The following KIF26B variants were observed in gnomAD, a reference collection of about 807,000 sequenced individuals.
KIF26B encodes kinesin-like protein KIF26B.
In KIF26B, 63 loss-of-function variants were observed where a neutral mutation model predicts 151.2. That is an observed-to-expected ratio of 0.42 (90% CI 0.34 to 0.51). KIF26B has a LOEUF of 0.51. Ranked by LOEUF, KIF26B falls within the 20% of genes least tolerant of loss-of-function variation. The pLI is 0.07. For synonymous variants in KIF26B, 1,357 were observed against 1,262.1 expected, an observed-to-expected ratio of 1.08 and a Z score of -1.59; for missense variants, 2,813 against 2,913.6, an observed-to-expected ratio of 0.97 and a Z score of 0.79.
chr1:245,230,163 A>C (rs548427717), intron 2 of KIF26B, among the ~76,000 whole-genome samples: 1 of 151,922 alleles, frequency 6.6e-6, no homozygotes, highest in East Asian at 1.9e-4. Context: ...GCAAAAAAAA[A>C]AAAACAACAA....
intron 3 of KIF26B, among the ~76,000 whole-genome samples, chr1:245,398,688 G>A (rs1673920508): frequency 6.6e-6 from 1 of 151,612 alleles, no homozygotes. Context: ...AGGCAAAGAG[G>A]ACAAAGAATT....
rs2102975843 is a variant in KIF26B, at chr1:245,296,918, C to G, written c.466-69916C>G. 2.0e-5 allele frequency among the ~76,000 whole-genome samples: 3 copies of G among 152,308 alleles called. 1 individual carries two copies. The highest frequency in any genetic ancestry group is 3.4e-3 in the Middle Eastern group (1 of 294). ...ATGTCCCGACTTTTTAGCTAGCACG[C>G]TTAAGAGCAACACAGGCCTTGTTTT... On this transcript the variant is annotated intron_variant, in intron 2 of 14. Coordinates refer to ENST00000407071, the MANE Select transcript of KIF26B (RefSeq NM_018012.4).
At chr1:245,636,560 G>A (rs1339768899) in intron 9 of KIF26B, among the ~76,000 whole-genome samples, 1 of 143,466 alleles carries the variant, frequency 7.0e-6, no homozygotes, top group Non-Finnish European at 1.6e-5. Flanking sequence ...ATTAACTATA[G>A]TTCTTCTACT....
At chr1:245,235,450 A>G (rs2103557323) in intron 2 of KIF26B, among the ~76,000 whole-genome samples, 1 of 151,984 alleles carries the variant, frequency 6.6e-6, no homozygotes, top group East Asian at 1.9e-4. Flanking sequence ...AAAATTAGCC[A>G]GGCATGGTGG....
intron 9 of KIF26B, among the ~76,000 whole-genome samples, chr1:245,643,909 C>T (rs1387558828): frequency 6.6e-6 from 1 of 152,104 alleles, no homozygotes; most frequent in African/African-American, 2.4e-5. Flanking sequence ...TTCTCTCTGG[C>T]TCTTTTCAAG....
In KIF26B at chr1:245,688,790, A is replaced by G. The variant is rs746061130; in HGVS notation, c.5807A>G (p.Lys1936Arg). Residue 1936 changes from lysine (K) to arginine (R), a missense_variant, in exon 12 of 15, where the codon AAG (lysine) becomes AGG (arginine). Lys to Arg is a conservative substitution (Grantham distance 26). This residue lies in a region of KIF26B where 2,060 missense variants were observed against 2,088.6 expected (regional missense o/e 0.99). Coordinates refer to ENST00000407071, the MANE Select transcript of KIF26B (RefSeq NM_018012.4). Reference protein sequence around the residue: ...GGRCRSLKTPKKRSNPGSQRR... With the variant: ...GGRCRSLKTPRKRSNPGSQRR... ...AGGTGCCGGAGCCTCAAGACCCCGAAGAAACGCTCCAATCCAGGTAGGCGG... is the reference window on the plus strand; with the variant it reads ...AGGTGCCGGAGCCTCAAGACCCCGAGGAAACGCTCCAATCCAGGTAGGCGG... 1.6e-5 allele frequency: 25 copies of G among 1,586,208 alleles called. No homozygotes were observed. The African/African-American group carries it at 3.1e-4, about 20-fold the overall frequency.
Position 245,198,886 on chromosome 1 carries a change from G to A in KIF26B, c.465+42203G>A, listed in dbSNP as rs192644261. ...TGTAACGGGGGTTCTAATGTAGACC[G>A]GGGGGTCAGGAAGGCGTGGTGTGCA... On this transcript the variant is annotated intron_variant, in intron 2 of 14. Coordinates refer to ENST00000407071, the MANE Select transcript of KIF26B (RefSeq NM_018012.4). 8.1e-5 allele frequency among the ~76,000 whole-genome samples: 12 copies of A among 147,890 alleles called. No individual in the cohort carries two copies. The East Asian group carries it at 1.4e-3, about 17-fold the overall frequency.
At chr1:245,414,795 T>G (rs1674377748) in intron 3 of KIF26B, among the ~76,000 whole-genome samples, 1 of 152,242 alleles carries the variant, frequency 6.6e-6, no homozygotes, top group South Asian at 2.1e-4. Flanking sequence ...TGACTACAAG[T>G]TTCTTTATCT....
chr1:245,603,436 C>T (rs935623504), intron 6 of KIF26B, among the ~76,000 whole-genome samples: 12 of 152,220 alleles, frequency 7.9e-5, no homozygotes, highest in African/African-American at 2.9e-4. Context: ...CTGAGCAGCT[C>T]TTCTGGTCCT....
At chr1:245,302,385 C>T (rs1313491783) in intron 2 of KIF26B, among the ~76,000 whole-genome samples, 3 of 152,278 alleles carry the variant, frequency 2.0e-5, no homozygotes, top group Middle Eastern at 3.4e-3. Flanking sequence ...ATTTCTAGAA[C>T]GTGATAGTTG....
chr1:245,437,993 C>T (rs938257108), intron 4 of KIF26B, among the ~76,000 whole-genome samples: 4 of 152,146 alleles, frequency 2.6e-5, no homozygotes, highest in Admixed American at 2.6e-4. Flanking sequence ...TCTCTCTCTC[C>T]TCTCTCGTTT....
intron 2 of KIF26B, among the ~76,000 whole-genome samples, chr1:245,254,659 C>G (rs1352609663): frequency 6.6e-6 from 1 of 152,054 alleles, no homozygotes; most frequent in Non-Finnish European, 1.5e-5. Context: ...ACGTCTTCCC[C>G]TTTTATTGAT....
intron 3 of KIF26B, chr1:245,371,807 A>G (rs1572028995): frequency 6.6e-6 from 1 of 152,226 alleles, no homozygotes; most frequent in Admixed American, 6.5e-5. Flanking sequence ...ATAAATAGGA[A>G]TCGATCCAGA....
intron 10 of KIF26B, among the ~76,000 whole-genome samples, chr1:245,665,825 C>T (rs2044206796): frequency 6.6e-6 from 1 of 152,032 alleles, no homozygotes; most frequent in South Asian, 2.1e-4. Flanking sequence ...GCTGGGACTA[C>T]AGGCACGCAC....
At chr1:245,207,506 G>C (rs1669431366) in intron 2 of KIF26B, among the ~76,000 whole-genome samples, 1 of 152,092 alleles carries the variant, frequency 6.6e-6, no homozygotes. Context: ...GGACTTACAA[G>C]GGACTTACAG....
At chr1:245,538,867 T>C (rs75623718) in intron 4 of KIF26B, among the ~76,000 whole-genome samples, 2,274 of 152,270 alleles carry the variant, frequency 0.015, 66 homozygotes, top group African/African-American at 0.052. Flanking sequence ...GGTGCCATGA[T>C]GCCTTGTGCC....
Position 245,702,571 on chromosome 1 carries a change from A to T in KIF26B, c.6292A>T (p.Ile2098Phe), listed in dbSNP as rs371424720. 2.0e-5 allele frequency: 32 copies of T among 1,613,924 alleles called. No individual in the cohort carries two copies. The highest frequency in any genetic ancestry group is 2.7e-5 in the Non-Finnish European group (32 of 1,179,880). The change falls in exon 15 of 15, where the codon ATC becomes TTC. Residue 2098 changes from isoleucine (I) to phenylalanine (F), a missense_variant. Ile to Phe is a conservative substitution (Grantham distance 21). This residue lies in a region of KIF26B where 2,060 missense variants were observed against 2,088.6 expected (regional missense o/e 0.99). Transcript: ENST00000407071. The surrounding 1 kb of genome is among the most constrained non-coding windows in gnomAD (Gnocchi z 4.1). ...VNFCKAHLMM[I>F]TCFDITSRRR ...CTTCTGCAAGGCCCATCTCATGATG[A>T]TCACCTGCTTCGACATCACCTCCAG...
chr1:245,433,413 G>A (rs1157339668), intron 4 of KIF26B, among the ~76,000 whole-genome samples: 2 of 151,416 alleles, frequency 1.3e-5, no homozygotes, highest in Non-Finnish European at 2.9e-5. Context: ...GTTGCAGTGA[G>A]CCGAGATTGC....
intron 2 of KIF26B, among the ~76,000 whole-genome samples, chr1:245,198,054 C>T (rs564924243): frequency 6.6e-6 from 1 of 152,340 alleles, no homozygotes; most frequent in East Asian, 1.9e-4. Context: ...CCTGCTCCCT[C>T]CCTTCCTCCT....
Sources: allele counts gnomAD v4.1 joint callset (sites outside exome capture counted in the v4.1 genomes callset), GRCh38; gene constraint gnomAD v4.1.1; regional missense constraint gnomAD v4.1.1; non-coding constraint Gnocchi (gnomAD v3.1); transcripts MANE v1.5; gene names NCBI Gene and HGNC (gene_info 2026-07-23, HGNC 2026-07-21).